NCAM2: variants seen among roughly 807,000 people sequenced by gnomAD.
NCAM2 encodes the protein neural cell adhesion molecule 2.
Under a neutral mutation model 98.1 loss-of-function variants are expected in NCAM2, and 30 were observed. That is an observed-to-expected ratio of 0.31 (90% CI 0.23 to 0.41). The LOEUF (loss-of-function observed/expected upper bound fraction) is 0.41, where lower values mean the gene tolerates loss of function less well. Among genes scored for constraint, NCAM2 ranks in the 10% least tolerant of loss-of-function variants. The pLI is 1.00. For synonymous variants in NCAM2, 368 were observed against 342.4 expected, an observed-to-expected ratio of 1.07 and a Z score of -0.83; for missense variants, 867 against 1,005.8, an observed-to-expected ratio of 0.86 and a Z score of 1.87.
chr21:21,188,470 A>T (rs752378152), intron 1 of NCAM2, among the ~76,000 whole-genome samples: 1 of 152,186 alleles, frequency 6.6e-6, no homozygotes, highest in African/African-American at 2.4e-5. Context: ...AAATTTTTCT[A>T]TAACTAGCTA....
At chr21:21,330,138 T>C (rs557940872) in intron 6 of NCAM2, among the ~76,000 whole-genome samples, 21 of 152,182 alleles carry the variant, frequency 1.4e-4, no homozygotes, top group Non-Finnish European at 2.9e-4. Context: ...TTTCCTATTC[T>C]CCATTTCATT....
intron 1 of NCAM2, among the ~76,000 whole-genome samples, chr21:21,232,846 A>C (rs2070683449): frequency 6.6e-6 from 1 of 151,652 alleles, no homozygotes; most frequent in Admixed American, 6.6e-5. Context: ...AGACTTAAAA[A>C]AATTCCAGTC....
chr21:21,269,290 A>G (rs771285024), intron 1 of NCAM2, among the ~76,000 whole-genome samples: 73 of 152,156 alleles, frequency 4.8e-4, no homozygotes, highest in Admixed American at 2.4e-3. Context: ...GCTGTTTACT[A>G]CTTAAAACAT....
At chr21:21,299,082 T>C (rs1601904997) in intron 5 of NCAM2, among the ~76,000 whole-genome samples, 2 of 151,680 alleles carry the variant, frequency 1.3e-5, no homozygotes, top group East Asian at 3.9e-4. Flanking sequence ...TATCATTTCA[T>C]AGAATCAATC....
chr21:21,508,833 TTTTTTTTA>T lies in NCAM2; in HGVS notation c.2078-17_2078-10del, dbSNP rs1988167013. ...CTTTTTTTTTTTTTTTTTTTTTTTTTTTTTTTTACTTTTTAAGACACGCTGTTTAATGG... is the reference window on the plus strand; with the variant it reads ...CTTTTTTTTTTTTTTTTTTTTTTTTTCTTTTTAAGACACGCTGTTTAATGG... On this transcript the variant is annotated splice_polypyrimidine_tract_variant and intron_variant, in intron 15 of 17. Coordinates refer to ENST00000400546, the MANE Select transcript of NCAM2 (RefSeq NM_004540.5). 1.9e-6 allele frequency: 2 copies of T among 1,050,334 alleles called. No homozygotes were observed. Among genetic ancestry groups the T allele is most frequent in the South Asian group, 3.5e-5 (1 of 28,598 alleles). 65.1% of individuals were successfully genotyped at this position (1,050,334 alleles called of 1,614,324 possible).
chr21:21,243,064 A>G (rs2071130655), intron 1 of NCAM2, among the ~76,000 whole-genome samples: 1 of 152,174 alleles, frequency 6.6e-6, no homozygotes, highest in Non-Finnish European at 1.5e-5. Context: ...TAATTCATAC[A>G]TAGAATGTAG....
intron 12 of NCAM2, among the ~76,000 whole-genome samples, chr21:21,438,141 A>T (rs1053905586): frequency 6.6e-6 from 1 of 152,026 alleles, no homozygotes; most frequent in Non-Finnish European, 1.5e-5. Context: ...AGCTTTATTT[A>T]TTCTAATTTA....
chr21:21,492,980 A>G (rs1986954508), intron 15 of NCAM2, among the ~76,000 whole-genome samples: 1 of 151,958 alleles, frequency 6.6e-6, no homozygotes, highest in Non-Finnish European at 1.5e-5. Context: ...CTTGTATGTA[A>G]TGTGAAGTGC....
chr21:21,012,166 C>G (rs142301893), intron 1 of NCAM2, among the ~76,000 whole-genome samples: 1 of 152,076 alleles, frequency 6.6e-6, no homozygotes, highest in Non-Finnish European at 1.5e-5. Flanking sequence ...ACGAGTAACT[C>G]TTTTAGAGAC....
intron 1 of NCAM2, among the ~76,000 whole-genome samples, chr21:21,176,956 T>C (rs1284786738): frequency 6.6e-6 from 1 of 151,994 alleles, no homozygotes; most frequent in Non-Finnish European, 1.5e-5. Flanking sequence ...AACCAAAAAT[T>C]ACACCTAAAT....
At chr21:21,186,494 C>G (rs1416889117) in intron 1 of NCAM2, among the ~76,000 whole-genome samples, 1 of 152,022 alleles carries the variant, frequency 6.6e-6, no homozygotes, top group African/African-American at 2.4e-5. Context: ...CTAGCTAACA[C>G]TGCTAATGGA....
Position 21,056,519 on chromosome 21 carries a change from T to TGCGC in NCAM2, c.55+57902_55+57903insCGCG, listed in dbSNP as rs1355242426. ...GTGTGTGTGTGTGTGTGTGTGTGTG[T>TGCGC]GTGTGCATGAGAGAGGGGGAGAGAG... On this transcript the variant is annotated intron_variant, in intron 1 of 17. Transcript: ENST00000400546. Among the ~76,000 whole-genome samples the TGCGC allele has an allele frequency of 1.1e-3, 171 of 149,088 alleles. 1 individual carries two copies. Among genetic ancestry groups the TGCGC allele is most frequent in the South Asian group, 4.0e-3 (19 of 4,726 alleles).
chr21:21,143,369 TC>T (rs2067207633), intron 1 of NCAM2, among the ~76,000 whole-genome samples: 1 of 152,230 alleles, frequency 6.6e-6, no homozygotes, highest in South Asian at 2.1e-4. Flanking sequence ...TAACTCTGAT[TC>T]TTCAGTTTTG....
intron 12 of NCAM2, among the ~76,000 whole-genome samples, chr21:21,437,843 A>G (rs920150636): frequency 2.0e-5 from 3 of 152,088 alleles, no homozygotes; most frequent in Non-Finnish European, 2.9e-5. Flanking sequence ...GTGTACTTAG[A>G]AGGCTTGTTT....
At chr21:21,263,406 A>G (rs2071998636) in intron 1 of NCAM2, among the ~76,000 whole-genome samples, 1 of 152,190 alleles carries the variant, frequency 6.6e-6, no homozygotes, top group African/African-American at 2.4e-5. Flanking sequence ...AATGGATAGG[A>G]AAAATCAATA....
intron 16 of NCAM2, among the ~76,000 whole-genome samples, chr21:21,524,788 T>G (rs553395866): frequency 1.3e-5 from 2 of 152,118 alleles, no homozygotes; most frequent in East Asian, 3.9e-4. Context: ...TTAAAACATT[T>G]TATAAATAGG....
At chr21:21,088,251 A>G (rs1170001058) in intron 1 of NCAM2, among the ~76,000 whole-genome samples, 1 of 152,242 alleles carries the variant, frequency 6.6e-6, no homozygotes, top group East Asian at 1.9e-4. Context: ...TAAGCCAAGC[A>G]TTTGTTAATA....
Position 21,125,412 on chromosome 21 carries a change from T to G in NCAM2, c.55+126794T>G, listed in dbSNP as rs13051457. ...TACATATATATGTAATATATAATAT[T>G]TTACATATATTCATACATATGTAAT... On this transcript the variant is annotated intron_variant, in intron 1 of 17. Transcript: ENST00000400546. Among the ~76,000 whole-genome samples the G allele has an allele frequency of 1.3e-4, 11 of 84,920 alleles. No homozygotes were observed. The South Asian group carries it at 2.3e-3, about 18-fold the overall frequency. 55.7% of individuals were successfully genotyped at this position (84,920 alleles called of 152,430 possible).
intron 9 of NCAM2, among the ~76,000 whole-genome samples, chr21:21,390,872 A>G (rs1256645639): frequency 6.6e-6 from 1 of 152,214 alleles, no homozygotes; most frequent in Non-Finnish European, 1.5e-5. Flanking sequence ...GTTTTAAAAT[A>G]GTATTCACCT....
Sources: allele counts gnomAD v4.1 joint callset (sites outside exome capture counted in the v4.1 genomes callset), GRCh38; gene constraint gnomAD v4.1.1; transcripts MANE v1.5; gene names NCBI Gene and HGNC (gene_info 2026-07-23, HGNC 2026-07-21).